Variants in MPDZ observed in about 807,000 individuals in gnomAD.
MPDZ encodes the protein multiple PDZ domain crumbs cell polarity complex component.
In MPDZ, 234 loss-of-function variants were observed where a neutral mutation model predicts 239.1. That is an observed-to-expected ratio of 0.98 (90% confidence interval 0.88 to 1.09). The LOEUF (loss-of-function observed/expected upper bound fraction) is 1.09, where lower values mean the gene tolerates loss of function less well. Ranked by LOEUF, MPDZ falls within the 50% of genes least tolerant of loss-of-function variation. The pLI, the probability that MPDZ is intolerant of heterozygous loss-of-function variation, is 0.00. For synonymous variants in MPDZ, 1,048 were observed against 881.3 expected (o/e 1.19, Z -3.35); for missense variants, 3,175 against 2,510.0 (o/e 1.26, Z -5.66).
intron 23 of MPDZ, among the ~76,000 whole-genome samples, chr9:13,160,455 T>C (rs2133514709): frequency 6.6e-6 from 1 of 152,206 alleles, no homozygotes; most frequent in Non-Finnish European, 1.5e-5. Context: ...TCAAAGTGGC[T>C]TTCTTTCTAA....
At chr9:13,204,183 T>C (rs1956734727) in intron 12 of MPDZ, among the ~76,000 whole-genome samples, 1 of 152,136 alleles carries the variant, frequency 6.6e-6, no homozygotes. Context: ...TTGTATTCTG[T>C]TCAGTGAGTT....
chr9:13,212,535 C>G (rs1957745236), intron 10 of MPDZ, among the ~76,000 whole-genome samples: 1 of 151,608 alleles, frequency 6.6e-6, no homozygotes, highest in Admixed American at 6.6e-5. Context: ...AGTCACGAAG[C>G]CTAAGGGGTC....
intron 1 of MPDZ, among the ~76,000 whole-genome samples, chr9:13,257,534 T>C (rs954409556): frequency 2.6e-5 from 4 of 152,196 alleles, no homozygotes; most frequent in African/African-American, 9.6e-5. Flanking sequence ...GAACAAGGTA[T>C]TAAGTTGCTA....
chr9:13,192,881 C>T (rs1057231792), intron 14 of MPDZ, among the ~76,000 whole-genome samples: 2 of 151,914 alleles, frequency 1.3e-5, no homozygotes, highest in South Asian at 2.1e-4. Context: ...CATCTGAATG[C>T]GTTACTTATT....
At chr9:13,198,935 T>G (rs1370415457) in intron 12 of MPDZ, among the ~76,000 whole-genome samples, 1 of 151,940 alleles carries the variant, frequency 6.6e-6, no homozygotes, top group Non-Finnish European at 1.5e-5. Context: ...GTGAAGAATG[T>G]CATTGGTATA....
At chr9:13,153,335 T>C (rs540419343) in intron 24 of MPDZ, among the ~76,000 whole-genome samples, 1 of 152,166 alleles carries the variant, frequency 6.6e-6, no homozygotes, top group Admixed American at 6.6e-5. Flanking sequence ...CTTGATCTTA[T>C]AAAATTTTTG....
rs749052462 is a variant in MPDZ, at chr9:13,138,166, A to G, written c.4004-13T>C. 1.1e-5 allele frequency: 17 copies of G among 1,550,138 alleles called. No homozygotes were observed. The South Asian group carries it at 1.8e-4, about 16-fold the overall frequency. On this transcript the variant is annotated splice_polypyrimidine_tract_variant and intron_variant, in intron 28 of 46. Transcript: ENST00000319217. Reference sequence around the variant, plus strand: ...TCTCTGATATTTTCTACATACAACAACAACAACAAATACATATTTACAGTT... The same window carrying G: ...TCTCTGATATTTTCTACATACAACAGCAACAACAAATACATATTTACAGTT...
At chr9:13,113,254 C>T (rs566960858) in intron 41 of MPDZ, among the ~76,000 whole-genome samples, 200 bp from the exon 42 acceptor site, 1 of 152,064 alleles carries the variant, frequency 6.6e-6, no homozygotes, top group East Asian at 1.9e-4. Context: ...ACGTGTATAC[C>T]ATCCCATTCT....
chr9:13,191,572 T>C (rs1033105134), intron 15 of MPDZ, among the ~76,000 whole-genome samples: 1 of 152,170 alleles, frequency 6.6e-6, no homozygotes, highest in Admixed American at 6.6e-5. Flanking sequence ...ATTTATTGTA[T>C]TTTAAAAGGA....
chr9:13,216,779 T>C lies in MPDZ; in HGVS notation c.1285A>G (p.Ile429Val), dbSNP rs550549466. Reference sequence around the variant, plus strand: ...TTGTTAAATGTGTAACTTACTGCTATAATTTGGTCTCCAATTTGGATTCTT... The same window carrying C: ...TTGTTAAATGTGTAACTTACTGCTACAATTTGGTCTCCAATTTGGATTCTT... ...DGRIQIGDQIIAVDGTNLQGF... is the reference protein window; with the variant it reads ...DGRIQIGDQIVAVDGTNLQGF... The change falls in exon 10 of 47, where the codon ATA becomes GTA. Residue 429 changes from isoleucine (I) to valine (V), a missense_variant. Ile to Val is a conservative substitution (Grantham distance 29). Coordinates refer to ENST00000319217, the MANE Select transcript of MPDZ (RefSeq NM_001378778.1). The C allele has an allele frequency of 1.2e-5, 19 of 1,603,292 alleles. No individual in the cohort carries two copies. The East Asian group carries it at 4.0e-4, about 34-fold the overall frequency.
chr9:13,261,250 C>T (rs755499522), intron 1 of MPDZ, among the ~76,000 whole-genome samples: 3 of 152,166 alleles, frequency 2.0e-5, no homozygotes, highest in Non-Finnish European at 2.9e-5. Context: ...TTAAGAGAGG[C>T]AGGCATTCCT....
intron 19 of MPDZ, among the ~76,000 whole-genome samples, chr9:13,178,278 T>A (rs556910006): frequency 2.9e-5 from 4 of 136,004 alleles, no homozygotes; most frequent in Admixed American, 7.4e-5. Flanking sequence ...AAAAAAAAAA[T>A]TTGGTACATA....
At chr9:13,164,025 G>C (rs1473961794) in intron 22 of MPDZ, among the ~76,000 whole-genome samples, 4 of 152,122 alleles carry the variant, frequency 2.6e-5, no homozygotes, top group Non-Finnish European at 5.9e-5. Flanking sequence ...ACCACAAAAA[G>C]GATGTCACTT....
chr9:13,231,323 T>C (rs1432687503), intron 3 of MPDZ, among the ~76,000 whole-genome samples: 1 of 152,100 alleles, frequency 6.6e-6, no homozygotes. Flanking sequence ...CCCAGCACTT[T>C]GGGAGGCCGA....
At chr9:13,273,658 A>C (rs1973522084) in intron 1 of MPDZ, among the ~76,000 whole-genome samples, 1 of 152,212 alleles carries the variant, frequency 6.6e-6, no homozygotes, top group Non-Finnish European at 1.5e-5. Context: ...CACATATGTA[A>C]TTTTGTCTGT....
chr9:13,250,377 G>T lies in MPDZ; in HGVS notation c.-57-5C>A. ...AACAGCAATTAAAATGGAACTCTGT[G>T]CAAAAAAGAAATAGAATGGTTATGT... On this transcript the variant is annotated splice_region_variant and splice_polypyrimidine_tract_variant and intron_variant, in intron 1 of 46. Coordinates refer to ENST00000319217, the MANE Select transcript of MPDZ (RefSeq NM_001378778.1). 2 of 1,427,348 alleles carry T rather than the reference G, an allele frequency of 1.4e-6. No individual in the cohort carries two copies. The highest frequency in any genetic ancestry group is 1.9e-6 in the Non-Finnish European group (2 of 1,036,632). 88.4% of individuals were successfully genotyped at this position (1,427,348 alleles called of 1,614,324 possible).
intron 20 of MPDZ, 84 bp downstream of exon 20, chr9:13,176,052 C>T (rs924139749): frequency 2.8e-6 from 4 of 1,451,142 alleles, no homozygotes; most frequent in South Asian, 3.0e-5. Context: ...GCACTCATTC[C>T]AAATGAAGAG....
At chr9:13,146,959 T>C (rs1948514260) in intron 26 of MPDZ, among the ~76,000 whole-genome samples, 2 of 152,020 alleles carry the variant, frequency 1.3e-5, no homozygotes, top group South Asian at 4.1e-4. Context: ...GGTTGGTAGG[T>C]TTCTGTCCAC....
intron 1 of MPDZ, among the ~76,000 whole-genome samples, chr9:13,255,844 T>C (rs1171277453): frequency 6.6e-6 from 1 of 152,134 alleles, no homozygotes; most frequent in Non-Finnish European, 1.5e-5. Context: ...AAATGGTAAA[T>C]AAGCACTGGC....
Sources: allele counts gnomAD v4.1 joint callset (sites outside exome capture counted in the v4.1 genomes callset), GRCh38; gene constraint gnomAD v4.1.1; transcripts MANE v1.5; gene names NCBI Gene and HGNC (gene_info 2026-07-23, HGNC 2026-07-21).